Variants in EPN2 observed in about 807,000 individuals in gnomAD.
EPN2 encodes epsin 2, also known as epsin-2.
Under a neutral mutation model 61.7 loss-of-function variants are expected in EPN2, and 34 were observed. That is an observed-to-expected ratio of 0.55 (90% CI 0.42 to 0.73). The LOEUF (loss-of-function observed/expected upper bound fraction) is 0.73, where lower values mean the gene tolerates loss of function less well. EPN2 is among the 30% of genes least tolerant of loss of function. The pLI is 0.00. For missense variants in EPN2, 714 were observed against 839.2 expected, an observed-to-expected ratio of 0.85 and a Z score of 1.84; for synonymous variants, 349 against 353.6, an observed-to-expected ratio of 0.99 and a Z score of 0.15.
intron 1 of EPN2, among the ~76,000 whole-genome samples, chr17:19,274,581 C>A (rs895770474): frequency 6.6e-6 from 1 of 152,124 alleles, no homozygotes; most frequent in African/African-American, 2.4e-5. Context: ...GATGGCTGCT[C>A]CCCATAGTTT....
intron 1 of EPN2, chr17:19,273,345 G>A (rs1368465958): frequency 6.6e-6 from 1 of 152,110 alleles, no homozygotes; most frequent in African/African-American, 2.4e-5. Context: ...CACCTGCAGG[G>A]ATCTTTCTTC....
chr17:19,270,227 C>T (rs1001145441), intron 1 of EPN2, among the ~76,000 whole-genome samples: 4 of 152,242 alleles, frequency 2.6e-5, no homozygotes, highest in African/African-American at 9.6e-5. Context: ...TATTCACTAG[C>T]CTCTTCTTAG....
In EPN2 at chr17:19,334,006, C is replaced by T; in HGVS notation, c.1678C>T (p.Gln560Ter). 6.3e-7 allele frequency: 1 copy of T among 1,591,478 alleles called. No homozygotes were observed. The highest frequency in any genetic ancestry group is 8.6e-7 in the Non-Finnish European group (1 of 1,165,774). ...TAACCCTTTCCAGGTGAACCAGCCC[C>T]AGCCGCTGACACTGAACCAGCTTCG... ...PVNPFQVNQP[Q>*]PLTLNQLRGS... is the part of the protein sequence containing the mutation. Residue 560 changes from glutamine to a stop codon, truncating the protein, a stop_gained, in exon 11 of 11, where the codon CAG (glutamine) becomes TAG (stop). Transcript: ENST00000314728. LOFTEE classifies it high-confidence loss of function. The surrounding 1 kb of genome is among the most constrained non-coding windows in gnomAD (Gnocchi z 4.9).
rs1178735101 is a variant in EPN2 at position 19,331,892 on chromosome 17, C to G, written c.1451C>G (p.Thr484Ser). The G allele has an allele frequency of 1.9e-6, 3 of 1,614,206 alleles. No homozygotes were observed. The highest frequency in any genetic ancestry group is 2.5e-6 in the Non-Finnish European group (3 of 1,180,034). Residue 484 changes from threonine to serine, a missense_variant, in exon 10 of 11, where the codon ACT (threonine) becomes AGT (serine). Around this residue, in one of 2 missense-constraint regions of EPN2, gnomAD observed 410 missense variants for 421.8 expected, o/e 0.97. Transcript: ENST00000314728. ...VTSLPSQNNG[T>S]TSPDPFESQP... ...TCTCTGCCATCCCAAAACAATGGAA[C>G]TACCAGCCCTGACCCCTTTGAGTCT... is the stretch of plus-strand genomic sequence containing the variant.
intron 1 of EPN2, among the ~76,000 whole-genome samples, chr17:19,258,155 G>GTGCTGA (rs1002018076): frequency 6.6e-6 from 1 of 152,204 alleles, no homozygotes; most frequent in African/African-American, 2.4e-5. Flanking sequence ...GCTGGTGCTG[G>GTGCTGA]TGCTGATGCT....
At chr17:19,329,262 T>C (rs1907048268) in intron 8 of EPN2, 1 of 446,882 alleles carries the variant, frequency 2.2e-6, no homozygotes, top group Non-Finnish European at 4.0e-6. Flanking sequence ...CAGACCCAGC[T>C]TGATGCACCT....
chr17:19,316,732 A>G (rs1338511837), intron 7 of EPN2, among the ~76,000 whole-genome samples: 2 of 152,386 alleles, frequency 1.3e-5, no homozygotes, highest in East Asian at 3.9e-4. Flanking sequence ...TAGAAATTCT[A>G]AACAATACCA....
chr17:19,307,792 T>C (rs1905923132), intron 4 of EPN2: 3 of 551,868 alleles, frequency 5.4e-6, no homozygotes, highest in Non-Finnish European at 6.9e-6. Context: ...AAGCAGCCTC[T>C]TTCTACCTCC....
chr17:19,252,379 T>G (rs1410349610), intron 1 of EPN2, among the ~76,000 whole-genome samples: 1 of 152,120 alleles, frequency 6.6e-6, no homozygotes, highest in African/African-American at 2.4e-5. Context: ...CTTTGGAAAC[T>G]TACTTAAAAA....
At chr17:19,315,768 A>G (rs955293079) in intron 7 of EPN2, among the ~76,000 whole-genome samples, 4 of 152,196 alleles carry the variant, frequency 2.6e-5, no homozygotes, top group Admixed American at 6.5e-5. Flanking sequence ...TACAGGCATG[A>G]GGCACCGCTC....
At chr17:19,257,521 C>T (rs1001535061) in intron 1 of EPN2, among the ~76,000 whole-genome samples, 4 of 117,498 alleles carry the variant, frequency 3.4e-5, no homozygotes, top group African/African-American at 2.3e-4. Context: ...CTCTCTCTCT[C>T]TCTTTTTTTT....
chr17:19,315,546 G>A (rs182218409), intron 7 of EPN2, among the ~76,000 whole-genome samples: 1 of 152,106 alleles, frequency 6.6e-6, no homozygotes, highest in East Asian at 1.9e-4. Flanking sequence ...GAGTGCAGTG[G>A]CACCATCTTA....
rs1907471735 is a variant in EPN2 at position 19,336,648 on chromosome 17, G to C, written c.*2394G>C. On this transcript the variant is annotated 3_prime_UTR_variant, in exon 11 of 11. Coordinates refer to ENST00000314728, the MANE Select transcript of EPN2 (RefSeq NM_014964.5). Reference sequence around the variant, plus strand: ...TCTCAGTCCCAGAGGCCGGTGGCTGGTTTTGAACTTGTGTTGACTGTTGAT... The same window carrying C: ...TCTCAGTCCCAGAGGCCGGTGGCTGCTTTTGAACTTGTGTTGACTGTTGAT... 6.6e-6 allele frequency: 1 copy of C among 152,638 alleles called. No individual in the cohort carries two copies. The highest frequency in any genetic ancestry group is 1.5e-5 in the Non-Finnish European group (1 of 68,062). The allele number at this position is 152,638 out of a possible 1,614,324, so 9.5% of individuals were successfully genotyped here.
intron 4 of EPN2, among the ~76,000 whole-genome samples, chr17:19,301,679 C>G (rs1005007438): frequency 6.6e-6 from 1 of 152,212 alleles, no homozygotes; most frequent in African/African-American, 2.4e-5. Flanking sequence ...CAGAGCCTGT[C>G]CCCTGCTCTC....
At chr17:19,245,951 C>T (rs1172703029) in intron 1 of EPN2, among the ~76,000 whole-genome samples, 3 of 151,910 alleles carry the variant, frequency 2.0e-5, no homozygotes, top group Non-Finnish European at 4.4e-5. Flanking sequence ...AGGCGTGAGC[C>T]ACCATGCCCG....
intron 10 of EPN2, among the ~76,000 whole-genome samples, chr17:19,333,477 A>C (rs1182250914): frequency 2.6e-5 from 4 of 152,204 alleles, no homozygotes; most frequent in Non-Finnish European, 4.4e-5. Flanking sequence ...ACACTGGGAA[A>C]GACAAAGCTG....
Position 19,283,783 on chromosome 17 carries a change from C to T in EPN2, c.595+69C>T. The T allele has an allele frequency of 3.2e-6, 4 of 1,251,112 alleles. No homozygotes were observed. Among genetic ancestry groups the T allele is most frequent in the South Asian group, 1.5e-5 (1 of 65,816 alleles). The allele number at this position is 1,251,112 out of a possible 1,614,324, so 77.5% of individuals were successfully genotyped here. ...AATGGGTGACAGGCAGGGTGGGTGT[C>T]TCTGGGCTTAGGGAGTGGTGGCCAC... On this transcript the variant is annotated intron_variant, in intron 3 of 10. Coordinates refer to ENST00000314728, the MANE Select transcript of EPN2 (RefSeq NM_014964.5). The surrounding 1 kb of genome is among the most constrained non-coding windows in gnomAD (Gnocchi z 7.0).
At chr17:19,298,583 A>G (rs1303865902) in intron 4 of EPN2, among the ~76,000 whole-genome samples, 1 of 152,160 alleles carries the variant, frequency 6.6e-6, no homozygotes, top group Admixed American at 6.5e-5. Flanking sequence ...ACCTCACTGT[A>G]TCTTCAAACT....
intron 4 of EPN2, among the ~76,000 whole-genome samples, chr17:19,291,922 C>G (rs1378320190): frequency 6.6e-6 from 1 of 152,106 alleles, no homozygotes; most frequent in East Asian, 1.9e-4. Flanking sequence ...CCCTGCTTGC[C>G]CAGCTCTGGG....
Sources: allele counts gnomAD v4.1 joint callset (sites outside exome capture counted in the v4.1 genomes callset), GRCh38; gene constraint gnomAD v4.1.1; regional missense constraint gnomAD v4.1.1; non-coding constraint Gnocchi (gnomAD v3.1); transcripts MANE v1.5; gene names NCBI Gene and HGNC (gene_info 2026-07-23, HGNC 2026-07-21).